The following ATG7 variants were observed in gnomAD, a reference collection of about 807,000 sequenced individuals.
ATG7 encodes ubiquitin-like modifier-activating enzyme ATG7.
In ATG7, 70 loss-of-function variants were observed where a neutral mutation model predicts 82.4. That is an observed-to-expected ratio of 0.85 (90% CI 0.70 to 1.04). The LOEUF (loss-of-function observed/expected upper bound fraction) is 1.04. Among genes scored for constraint, ATG7 ranks in the 50% least tolerant of loss-of-function variants. The pLI is 0.00. For synonymous variants in ATG7, 287 were observed against 313.0 expected (o/e 0.92, Z 0.88); for missense variants, 792 against 864.3 (o/e 0.92, Z 1.05).
In ATG7 at chr3:11,333,082, C is replaced by T. The variant is rs1230032915; in HGVS notation, c.878C>T (p.Ala293Val). Reference sequence around the variant, plus strand: ...TTCGAAGTGAAGCTTCCAGAAATGGCATTTAGCCCAGGTAATTTGCCGGTC... The same window carrying T: ...TTCGAAGTGAAGCTTCCAGAAATGGTATTTAGCCCAGGTAATTTGCCGGTC... ...IIFEVKLPEM[A>V]FSPDCPKAVG... Residue 293 changes from alanine to valine, a missense_variant, in exon 11 of 21, where the codon GCA becomes GTA. Ala to Val is a moderately conservative substitution (Grantham distance 64). Transcript: ENST00000693202. 5 of 1,554,374 alleles carry T rather than the reference C, an allele frequency of 3.2e-6. No homozygotes were observed. Among genetic ancestry groups the T allele is most frequent in the Non-Finnish European group, 4.3e-6 (5 of 1,153,718 alleles).
chr3:11,340,786 C>T (rs1373426359), intron 12 of ATG7, 51 bp downstream of exon 12: 1 of 1,518,326 alleles, frequency 6.6e-7, no homozygotes, highest in Non-Finnish European at 9.1e-7. Context: ...AACCAAGACA[C>T]ACACCAAGTT....
intron 14 of ATG7, among the ~76,000 whole-genome samples, chr3:11,353,171 C>G (rs1308212412): frequency 2.6e-5 from 4 of 152,206 alleles, no homozygotes; most frequent in Non-Finnish European, 5.9e-5. Context: ...GGGCCGGGCA[C>G]AGTGGCTGAT....
At chr3:11,557,867 C>G (rs1329246661), downstream of ATG7, 2 of 152,090 alleles carry the variant, frequency 1.3e-5, no homozygotes, top group Non-Finnish European at 2.9e-5. Context: ...CACCTGAAAT[C>G]TAGAGAGAGA....
intron 20 of ATG7, among the ~76,000 whole-genome samples, chr3:11,535,885 C>T (rs1337905672): frequency 6.6e-6 from 1 of 152,156 alleles, no homozygotes; most frequent in African/African-American, 2.4e-5. Flanking sequence ...CTGCAGATCC[C>T]CTAAAACAGG....
intron 20 of ATG7, among the ~76,000 whole-genome samples, chr3:11,447,708 C>T (rs2084710772): frequency 6.6e-6 from 1 of 152,132 alleles, no homozygotes; most frequent in Non-Finnish European, 1.5e-5. Context: ...TTCCTAGTGG[C>T]TCCAAAAAGA....
At chr3:11,290,089 G>A (rs1179798396) in intron 3 of ATG7, among the ~76,000 whole-genome samples, 1 of 152,154 alleles carries the variant, frequency 6.6e-6, no homozygotes, top group Non-Finnish European at 1.5e-5. Flanking sequence ...GATTCACAGG[G>A]TAGGGCTCCC....
intron 19 of ATG7, among the ~76,000 whole-genome samples, chr3:11,395,969 A>G (rs63554663): frequency 0.32 from 28,499 of 88,686 alleles, 8,344 homozygotes; most frequent in African/African-American, 0.56. Context: ...AAAAAAAGGT[A>G]GGGGGGGAAG....
chr3:11,313,277 A>T, intron 7 of ATG7, 27 bp from the exon 8 acceptor site: 1 of 1,467,868 alleles, frequency 6.8e-7, no homozygotes, highest in Non-Finnish European at 9.5e-7. Context: ...TGCTATTCTA[A>T]TAACTTATTT....
At chr3:11,569,648 G>A in the ATG7 span, among the ~76,000 whole-genome samples, 1 of 152,226 alleles carries the variant, frequency 6.6e-6, no homozygotes, top group African/African-American at 2.4e-5. Context: ...CTCTCCCACC[G>A]CAGCAGTTAC....
At chr3:11,485,943 A>G (rs1198950371) in intron 20 of ATG7, among the ~76,000 whole-genome samples, 1 of 152,134 alleles carries the variant, frequency 6.6e-6, no homozygotes, top group African/African-American at 2.4e-5. Flanking sequence ...TGGTTACTGT[A>G]GCCTTGTAGT....
intron 20 of ATG7, among the ~76,000 whole-genome samples, chr3:11,529,100 A>G (rs1247125421): frequency 6.6e-6 from 1 of 152,028 alleles, no homozygotes; most frequent in African/African-American, 2.4e-5. Flanking sequence ...AGTGGAAACT[A>G]CACGTGTAGG....
intron 11 of ATG7, 26 bp from the exon 12 acceptor site, chr3:11,340,618 TA>T (rs766602736): frequency 1.9e-6 from 3 of 1,595,344 alleles, no homozygotes; most frequent in Middle Eastern, 3.3e-4. Flanking sequence ...CCTCCTTCAT[TA>T]AACTTTGTGT....
intron 20 of ATG7, 60 bp downstream of exon 20, chr3:11,426,986 C>T (rs531860609): frequency 2.8e-4 from 413 of 1,473,356 alleles, no homozygotes; most frequent in South Asian, 3.7e-4. Flanking sequence ...ATTTGATATT[C>T]GCCATATGGA....
chr3:11,524,217 G>C (rs1418450541), intron 20 of ATG7, among the ~76,000 whole-genome samples: 2 of 146,372 alleles, frequency 1.4e-5, no homozygotes, highest in African/African-American at 5.6e-5. Flanking sequence ...CTGTGCTGTG[G>C]CTTAGTTAAG....
intron 20 of ATG7, among the ~76,000 whole-genome samples, chr3:11,546,332 C>T (rs916233249): frequency 6.6e-6 from 1 of 152,010 alleles, no homozygotes; most frequent in Admixed American, 6.6e-5. Flanking sequence ...CCACCATGCC[C>T]AGCTAAGTTT....
intron 20 of ATG7, among the ~76,000 whole-genome samples, chr3:11,495,613 G>A (rs1485671986): frequency 6.6e-6 from 1 of 152,150 alleles, no homozygotes; most frequent in East Asian, 1.9e-4. Flanking sequence ...TGAGGAATTA[G>A]ACTTAATGAT....
chr3:11,279,368 A>G (rs1942559193), intron 1 of ATG7, among the ~76,000 whole-genome samples: 1 of 152,218 alleles, frequency 6.6e-6, no homozygotes, highest in African/African-American at 2.4e-5. Flanking sequence ...ACCTTGGGTT[A>G]AGGGTTTCTA....
chr3:11,331,479 G>A (rs1186791626), intron 10 of ATG7, 51 bp downstream of exon 10: 2 of 1,354,946 alleles, frequency 1.5e-6, no homozygotes, highest in Non-Finnish European at 2.1e-6. Context: ...GCCAGTATAT[G>A]TTTTACAATG....
intron 15 of ATG7, among the ~76,000 whole-genome samples, chr3:11,360,049 C>T (rs2076188324): frequency 1.3e-5 from 2 of 152,012 alleles, no homozygotes; most frequent in African/African-American, 4.8e-5. Flanking sequence ...TTTTTGTTTG[C>T]TTTTTTCTTT....
Sources: gnomAD v4.1 joint callset for allele counts (sites outside exome capture counted in the v4.1 genomes callset) on GRCh38, gnomAD v4.1.1 for gene constraint, MANE v1.5 for transcripts, NCBI Gene and HGNC (gene_info 2026-07-23, HGNC 2026-07-21) for gene names.